The following PLEKHA4 variants were observed in gnomAD, a reference collection of about 807,000 sequenced individuals.
The protein encoded by PLEKHA4 is pleckstrin homology domain-containing family A member 4.
PLEKHA4 carries 73 observed loss-of-function variants against 94.7 expected under a neutral mutation model. That is an observed-to-expected ratio of 0.77 (90% confidence interval 0.64 to 0.94). PLEKHA4 has a LOEUF of 0.94. Among genes scored for constraint, PLEKHA4 ranks in the 40% least tolerant of loss-of-function variants. The pLI is 0.00. For missense variants in PLEKHA4, 1,049 were observed against 1,054.1 expected, an observed-to-expected ratio of 1.00 and a Z score of 0.07; for synonymous variants, 449 against 437.1, an observed-to-expected ratio of 1.03 and a Z score of -0.34.
intron 16 of PLEKHA4, chr19:48,845,110 T>C: frequency 2.8e-6 from 1 of 355,588 alleles, no homozygotes; most frequent in East Asian, 5.0e-5. Flanking sequence ...TTCATCTTGA[T>C]GTCAGCTCTA....
At chr19:48,849,553 C>A (rs1302432858) in intron 13 of PLEKHA4, among the ~76,000 whole-genome samples, 1 of 152,170 alleles carries the variant, frequency 6.6e-6, no homozygotes, top group African/African-American at 2.4e-5. Context: ...AAGTGATCCA[C>A]CTGCCTTGGC....
chr19:48,848,519 G>A (rs1456833026), intron 13 of PLEKHA4, among the ~76,000 whole-genome samples: 3 of 148,742 alleles, frequency 2.0e-5, no homozygotes, highest in Non-Finnish European at 3.0e-5. Flanking sequence ...TTGGCCAGGC[G>A]TGGTGGCTCA....
At chr19:48,864,098 C>T (rs1029107231) in intron 3 of PLEKHA4, among the ~76,000 whole-genome samples, 5 of 152,108 alleles carry the variant, frequency 3.3e-5, no homozygotes, top group Non-Finnish European at 7.4e-5. Flanking sequence ...CTGGCTTCTT[C>T]CCCTGGCCTC....
intron 3 of PLEKHA4, among the ~76,000 whole-genome samples, chr19:48,862,060 G>T (rs1355486332): frequency 5.3e-5 from 8 of 152,016 alleles, no homozygotes; most frequent in Admixed American, 5.2e-4. Context: ...CTGGGAGTGG[G>T]GTGGAGGCAC....
Position 48,838,067 on chromosome 19 carries a change from A to AGGCT in PLEKHA4, c.2023_2026dup (p.Leu676GlnfsTer9). On this transcript the variant is annotated frameshift_variant, in exon 19 of 20. Transcript: ENST00000263265. LOFTEE classifies it high-confidence loss of function. ...CGCCTCAGTAGCCAGGGCTTGGGAG[A>AGGCT]GGCTGAGAACCCGCTCCCGGTGACC... 2.5e-6 allele frequency: 4 copies of AGGCT among 1,611,586 alleles called. No homozygotes were observed. Among genetic ancestry groups the AGGCT allele is most frequent in the Non-Finnish European group, 3.4e-6 (4 of 1,179,116 alleles).
At chr19:48,841,017 C>A in intron 17 of PLEKHA4, 132 bp downstream of exon 17, 4 of 892,146 alleles carry the variant, frequency 4.5e-6, no homozygotes, top group Non-Finnish European at 6.6e-6. Context: ...CAAGTACAAA[C>A]TGGGGTAAAT....
Position 48,867,327 on chromosome 19 carries a change from T to C in PLEKHA4, c.84+210A>G, listed in dbSNP as rs114624057. On this transcript the variant is annotated intron_variant, in intron 2 of 19. Coordinates refer to ENST00000263265, the MANE Select transcript of PLEKHA4 (RefSeq NM_020904.3). This position sits in a 1 kb window ranked among gnomAD's most constrained non-coding sequence, Gnocchi z 4.7. ...GTCAAGGGAGGTTGTTACTCTGGTT[T>C]AGAATTAGGAAAATACAAAGGGTGG... 6.6e-6 allele frequency among the ~76,000 whole-genome samples: 1 copy of C among 152,166 alleles called. No homozygotes were observed. The highest frequency in any genetic ancestry group is 2.4e-5 in the African/African-American group (1 of 41,432).
chr19:48,845,078 G>A (rs543570951), intron 16 of PLEKHA4: 56 of 270,112 alleles, frequency 2.1e-4, no homozygotes, highest in African/African-American at 9.3e-4. Flanking sequence ...GAGCCACCGC[G>A]CCTGGCCTCA....
At chr19:48,857,100 C>A (rs973845479) in intron 9 of PLEKHA4, among the ~76,000 whole-genome samples, 6 of 151,942 alleles carry the variant, frequency 3.9e-5, no homozygotes, top group Middle Eastern at 3.4e-3. Context: ...ATAAAAAAAA[C>A]CACAGAACCT....
chr19:48,839,665 G>A (rs2035676833), intron 17 of PLEKHA4, among the ~76,000 whole-genome samples: 1 of 151,166 alleles, frequency 6.6e-6, no homozygotes, highest in Admixed American at 6.6e-5. Context: ...GCCTCCCAAA[G>A]TACTGGTATT....
chr19:48,865,408 A>G (rs867452958), intron 3 of PLEKHA4, 95 bp downstream of exon 3: 5 of 818,046 alleles, frequency 6.1e-6, no homozygotes, highest in Middle Eastern at 4.7e-4. Flanking sequence ...TGATAGCAAG[A>G]AAAAGAAAGC....
rs771508909 is a variant in PLEKHA4 at position 48,847,926 on chromosome 19, G to C, written c.1540C>G (p.Gln514Glu). The C allele has an allele frequency of 6.3e-6, 10 of 1,593,322 alleles. No homozygotes were observed. In the South Asian group the frequency reaches 1.1e-4, roughly 18 times the overall value. Residue 514 changes from glutamine (Q) to glutamate (E), a missense_variant, in exon 14 of 20, where the codon CAG (glutamine) becomes GAG (glutamate). Physicochemically the swap from Gln to Glu is conservative, Grantham distance 29. Transcript: ENST00000263265. ...TCCCTCTCTGAGGACTCCTCGCCCT[G>C]GAGCACGGGAGATGGGGAGTCAGGC... is the stretch of plus-strand genomic sequence containing the variant. ...TEPDSPSPVL[Q>E]GEESSERESL...
chr19:48,856,947 AAG>A (rs1206013427), intron 9 of PLEKHA4, among the ~76,000 whole-genome samples: 6 of 121,576 alleles, frequency 4.9e-5, no homozygotes, highest in Non-Finnish European at 9.9e-5. Context: ...AAGAAAAAGA[AAG>A]AGAAAGAAAG....
chr19:48,851,805 A>G (rs1281917086), intron 13 of PLEKHA4, among the ~76,000 whole-genome samples: 2 of 151,362 alleles, frequency 1.3e-5, no homozygotes, highest in Non-Finnish European at 2.9e-5. Context: ...GTAGCTGGGC[A>G]TGGTGGCATG....
intron 16 of PLEKHA4, among the ~76,000 whole-genome samples, chr19:48,843,171 T>G (rs2035831137): frequency 6.6e-6 from 1 of 151,788 alleles, no homozygotes; most frequent in African/African-American, 2.4e-5. Context: ...TTTTAAATTA[T>G]TTTATTTTAT....
At chr19:48,864,132 C>A (rs747832196) in intron 3 of PLEKHA4, among the ~76,000 whole-genome samples, 10 of 151,974 alleles carry the variant, frequency 6.6e-5, no homozygotes, top group Non-Finnish European at 1.3e-4. Context: ...GTTTTGCCTG[C>A]TGCAGACCTT....
chr19:48,866,415 T>G (rs2036837350), intron 2 of PLEKHA4, among the ~76,000 whole-genome samples: 1 of 152,146 alleles, frequency 6.6e-6, no homozygotes, highest in South Asian at 2.1e-4. Flanking sequence ...CAAGTGATTC[T>G]CCTGCCTCAG....
Position 48,859,654 on chromosome 19 carries a change from CT to C in PLEKHA4, c.506del (p.Gln169ArgfsTer15). On this transcript the variant is annotated frameshift_variant, in exon 7 of 20. Coordinates refer to ENST00000263265, the MANE Select transcript of PLEKHA4 (RefSeq NM_020904.3). LOFTEE classifies it high-confidence loss of function. ...YGQPRSPARP[Q>X]PGEGPGGPGG... Reference sequence around the variant, plus strand: ...CGGGGCCGCCGGGGCCCTCCCCGGGCTGGGGTCGTGCAGGTGACCTGGGTTG... The same window carrying C: ...CGGGGCCGCCGGGGCCCTCCCCGGGCGGGGTCGTGCAGGTGACCTGGGTTG... The C allele has an allele frequency of 6.2e-7, 1 of 1,612,324 alleles. No homozygotes were observed. The highest frequency in any genetic ancestry group is 8.5e-7 in the Non-Finnish European group (1 of 1,179,932).
chr19:48,863,653 T>C (rs1599933039), intron 3 of PLEKHA4, among the ~76,000 whole-genome samples: 1 of 151,740 alleles, frequency 6.6e-6, no homozygotes, highest in African/African-American at 2.4e-5. Context: ...TTAGCCAGGA[T>C]GGTCTCGATC....
Sources: allele counts gnomAD v4.1 joint callset (sites outside exome capture counted in the v4.1 genomes callset), GRCh38; gene constraint gnomAD v4.1.1; non-coding constraint Gnocchi (gnomAD v3.1); transcripts MANE v1.5; gene names NCBI Gene and HGNC (gene_info 2026-07-23, HGNC 2026-07-21).